The following TMEM132D variants were observed in gnomAD, a reference collection of about 807,000 sequenced individuals.
TMEM132D encodes mature OL transmembrane protein.
TMEM132D carries 21 observed loss-of-function variants against 62.3 expected under a neutral mutation model. That is an observed-to-expected ratio of 0.34 (90% CI 0.24 to 0.49). The LOEUF (loss-of-function observed/expected upper bound fraction) is 0.49, where lower values mean the gene tolerates loss of function less well. Among genes scored for constraint, TMEM132D ranks in the 20% least tolerant of loss-of-function variants. The pLI is 0.99. For synonymous variants in TMEM132D, 621 were observed against 575.6 expected (o/e 1.08, Z -1.13); for missense variants, 1,346 against 1,402.8 (o/e 0.96, Z 0.65).
chr12:129,789,160 A>G (rs1280839056), intron 1 of TMEM132D, among the ~76,000 whole-genome samples: 1 of 152,154 alleles, frequency 6.6e-6, no homozygotes. Context: ...GGGTGCACCC[A>G]TCACCCGAGC....
At chr12:129,588,200 C>T (rs1878084625) in intron 2 of TMEM132D, among the ~76,000 whole-genome samples, 1 of 152,220 alleles carries the variant, frequency 6.6e-6, no homozygotes, top group Admixed American at 6.5e-5. Context: ...TCGCTTAATT[C>T]CATATTCAAA....
chr12:129,506,993 C>T (rs1446227782), intron 3 of TMEM132D, among the ~76,000 whole-genome samples: 1 of 152,008 alleles, frequency 6.6e-6, no homozygotes, highest in African/African-American at 2.4e-5. Context: ...CTATAACAAA[C>T]TCAAACAAAT....
rs530079204 is a variant in TMEM132D at position 129,073,808 on chromosome 12, C to T, written c.*67G>A. Reference sequence around the variant, plus strand: ...TGCTTTGTTTCTCTTCCGGGGGCACCGTTGCTACACATCCTGGAATTAAAG... The same window carrying T: ...TGCTTTGTTTCTCTTCCGGGGGCACTGTTGCTACACATCCTGGAATTAAAG... On this transcript the variant is annotated 3_prime_UTR_variant, in exon 9 of 9. Transcript: ENST00000422113. 15 of 1,372,092 alleles carry T rather than the reference C, an allele frequency of 1.1e-5. No individual in the cohort carries two copies. Among genetic ancestry groups the T allele is most frequent in the Admixed American group, 4.7e-5 (2 of 43,004 alleles). The allele number at this position is 1,372,092 out of a possible 1,614,324, so 85.0% of individuals were successfully genotyped here. A position where few individuals can be genotyped will look rare whatever the true frequency, so the allele number is the denominator to read the frequency against.
intron 2 of TMEM132D, among the ~76,000 whole-genome samples, chr12:129,638,412 T>C (rs959146876): frequency 1.3e-5 from 2 of 151,582 alleles, no homozygotes; most frequent in African/African-American, 4.9e-5. Flanking sequence ...GGTAAAGTAA[T>C]AAGCCACAAA....
chr12:129,551,192 A>G (rs1876885266), intron 2 of TMEM132D, among the ~76,000 whole-genome samples: 1 of 152,262 alleles, frequency 6.6e-6, no homozygotes, highest in African/African-American at 2.4e-5. Flanking sequence ...ATTGTGGAGT[A>G]GAGGCATCTA....
At chr12:129,684,663 G>A (rs866795730) in intron 2 of TMEM132D, among the ~76,000 whole-genome samples, 1 of 152,020 alleles carries the variant, frequency 6.6e-6, no homozygotes, top group African/African-American at 2.4e-5. Context: ...GAAAATGTTG[G>A]GAAGTTTGGA....
At chr12:129,293,967 A>AG (rs566863511) in intron 4 of TMEM132D, among the ~76,000 whole-genome samples, 1 of 152,136 alleles carries the variant, frequency 6.6e-6, no homozygotes, top group Non-Finnish European at 1.5e-5. Context: ...TGAAGAGGAG[A>AG]GGGGGGCCCC....
chr12:129,585,078 CTA>C (rs1171855020), intron 2 of TMEM132D, among the ~76,000 whole-genome samples: 3 of 152,174 alleles, frequency 2.0e-5, no homozygotes, highest in Non-Finnish European at 4.4e-5. Flanking sequence ...AATAAAGTCA[CTA>C]AAACAGTGCT....
At position 129,482,225 on chromosome 12, in the gene TMEM132D, CATT is replaced by C. The variant is rs143015341; in HGVS notation, c.1115+48831_1115+48833del. Among the ~76,000 whole-genome samples, 1,474 of 152,302 alleles carry C rather than the reference CATT, an allele frequency of 9.7e-3. 28 individuals are homozygous for C. Among genetic ancestry groups the C allele is most frequent in the African/African-American group, 0.033 (1,386 of 41,566 alleles). On this transcript the variant is annotated intron_variant, in intron 3 of 8. Coordinates refer to ENST00000422113, the MANE Select transcript of TMEM132D (RefSeq NM_133448.3). ...CACTGTGCTTATGCGTTTATTGCAT[CATT>C]GTGTGTAGCGTGGCAAAACACTGGA...
At chr12:129,739,522 G>C (rs754450021) in intron 1 of TMEM132D, among the ~76,000 whole-genome samples, 1 of 152,174 alleles carries the variant, frequency 6.6e-6, no homozygotes, top group Non-Finnish European at 1.5e-5. Flanking sequence ...CTCTTCTGGG[G>C]ACACAAATGG....
At chr12:129,330,541 C>G (rs1593339575) in intron 4 of TMEM132D, among the ~76,000 whole-genome samples, 1 of 152,154 alleles carries the variant, frequency 6.6e-6, no homozygotes, top group African/African-American at 2.4e-5. Context: ...TGTGAATAAA[C>G]CCATTCATGG....
intron 3 of TMEM132D, among the ~76,000 whole-genome samples, chr12:129,408,424 C>A (rs530721478): frequency 6.7e-6 from 1 of 149,212 alleles, no homozygotes; most frequent in East Asian, 1.9e-4. Context: ...GTGAGTCAAT[C>A]ACTTTTTGAT....
chr12:129,589,027 T>C (rs1283150322), intron 2 of TMEM132D, among the ~76,000 whole-genome samples: 4 of 152,058 alleles, frequency 2.6e-5, no homozygotes, highest in Admixed American at 2.0e-4. Context: ...CTCATCTTTT[T>C]CTTTCCTTTT....
intron 1 of TMEM132D, among the ~76,000 whole-genome samples, chr12:129,749,897 T>C (rs949586458): frequency 2.6e-5 from 4 of 152,212 alleles, no homozygotes; most frequent in Non-Finnish European, 5.9e-5. Flanking sequence ...AGTCAGTTAG[T>C]GCATCTTTTC....
intron 5 of TMEM132D, among the ~76,000 whole-genome samples, chr12:129,200,960 T>C (rs143216147): frequency 6.6e-6 from 1 of 152,230 alleles, no homozygotes; most frequent in Admixed American, 6.5e-5. Context: ...GATTCCACTT[T>C]GATCCACCTT....
At chr12:129,784,117 C>T (rs1280155348) in intron 1 of TMEM132D, among the ~76,000 whole-genome samples, 1 of 152,144 alleles carries the variant, frequency 6.6e-6, no homozygotes, top group African/African-American at 2.4e-5. Flanking sequence ...AAGGCTTCAC[C>T]CACCTACTGC....
At chr12:129,265,341 C>T (rs1354215823) in intron 4 of TMEM132D, among the ~76,000 whole-genome samples, 1 of 152,192 alleles carries the variant, frequency 6.6e-6, no homozygotes, top group Non-Finnish European at 1.5e-5. Flanking sequence ...GAACAAATGT[C>T]CAGTGTTGTG....
intron 4 of TMEM132D, among the ~76,000 whole-genome samples, chr12:129,327,306 G>A (rs1197008156): frequency 6.6e-6 from 1 of 152,216 alleles, no homozygotes; most frequent in Non-Finnish European, 1.5e-5. Context: ...CGCATGGCAA[G>A]TGGAGAGTAT....
chr12:129,439,295 T>A (rs531402020), intron 3 of TMEM132D, among the ~76,000 whole-genome samples: 1 of 152,114 alleles, frequency 6.6e-6, no homozygotes, highest in Non-Finnish European at 1.5e-5. Context: ...TTATTATGAG[T>A]CATTATTTTT....
Sources: allele counts gnomAD v4.1 joint callset (sites outside exome capture counted in the v4.1 genomes callset), GRCh38; gene constraint gnomAD v4.1.1; transcripts MANE v1.5; gene names NCBI Gene and HGNC (gene_info 2026-07-23, HGNC 2026-07-21).